DPY19L3: variants seen among roughly 807,000 people sequenced by gnomAD.
The protein encoded by DPY19L3 is dpy-19 like C-mannosyltransferase 3.
A neutral mutation model predicts 92.3 loss-of-function variants in DPY19L3; 51 were observed. The ratio of observed to expected loss-of-function variants is 0.55; its 90% CI spans 0.44 to 0.70. The LOEUF (loss-of-function observed/expected upper bound fraction) is 0.70, where lower values mean the gene tolerates loss of function less well. Ranked by LOEUF, DPY19L3 falls within the 30% of genes least tolerant of loss-of-function variation. The pLI, the probability that DPY19L3 is intolerant of heterozygous loss-of-function variation, is 0.00. For synonymous variants in DPY19L3, 309 were observed against 315.2 expected, an observed-to-expected ratio of 0.98 and a Z score of 0.21; for missense variants, 706 against 855.9, an observed-to-expected ratio of 0.82 and a Z score of 2.18.
chr19:32,426,345 T>C (rs1249465849), intron 3 of DPY19L3, among the ~76,000 whole-genome samples: 15 of 152,246 alleles, frequency 9.9e-5, no homozygotes. Flanking sequence ...TTTTCATTCT[T>C]ATCATTGGTG....
chr19:32,411,285 T>A lies in DPY19L3; in HGVS notation c.150T>A (p.Gly50=). 1.9e-6 allele frequency: 3 copies of A among 1,613,478 alleles called. No individual in the cohort carries two copies. Among genetic ancestry groups the A allele is most frequent in the Non-Finnish European group, 1.7e-6 (2 of 1,179,992 alleles). Residue 50 remains glycine, a synonymous_variant, in exon 3 of 19, where the codon GGT becomes GGA. Coordinates refer to ENST00000392250, the MANE Select transcript of DPY19L3 (RefSeq NM_001172774.2). ...RLWKILSLTI[G]GTIALCIGLL... ...GGAAGATTTTGTCATTGACAATTGG[T>A]GGAACCATTGCCCTTTGCATTGGAC...
rs79598580 is a variant in DPY19L3 at position 32,408,163 on chromosome 19, G to A, written c.-37-54G>A. 8.3e-3 allele frequency: 7,085 copies of A among 852,418 alleles called. 325 individuals carry two copies. The African/African-American group carries it at 0.1, about 12-fold the overall frequency. The allele number at this position is 852,418 out of a possible 1,614,324, so 52.8% of individuals were successfully genotyped here. On this transcript the variant is annotated intron_variant, in intron 1 of 18. Transcript: ENST00000392250. ...AAGGCATTTCAGCATGGATGAGCAC[G>A]GGGTGTGTTGGGGAGAAGGCACTGA...
At chr19:32,416,222 T>C (rs1599590172) in intron 3 of DPY19L3, among the ~76,000 whole-genome samples, 1 of 152,290 alleles carries the variant, frequency 6.6e-6, no homozygotes. Context: ...GATGTCTTGA[T>C]TCATTGTGTG....
At chr19:32,435,381 T>A (rs962665925) in intron 4 of DPY19L3, among the ~76,000 whole-genome samples, 2 of 152,238 alleles carry the variant, frequency 1.3e-5, no homozygotes, top group African/African-American at 2.4e-5. Context: ...CTGGGTTGTT[T>A]TGGATCAATC....
At chr19:32,448,560 G>C (rs1418296655) in intron 8 of DPY19L3, among the ~76,000 whole-genome samples, 1 of 152,138 alleles carries the variant, frequency 6.6e-6, no homozygotes, top group African/African-American at 2.4e-5. Flanking sequence ...TTATTATAAA[G>C]TAAGCTAGAG....
chr19:32,410,497 G>A (rs375367497), intron 2 of DPY19L3, among the ~76,000 whole-genome samples: 3 of 152,176 alleles, frequency 2.0e-5, no homozygotes, highest in East Asian at 1.9e-4. Context: ...TTAGGTAATC[G>A]GCCAGGTGCA....
chr19:32,453,087 G>A (rs777710442), intron 8 of DPY19L3, 58 bp from the exon 9 acceptor site: 32 of 1,596,486 alleles, frequency 2.0e-5, no homozygotes, highest in African/African-American at 5.4e-5. Context: ...CCAACATGTC[G>A]ACATGTGATG....
At chr19:32,464,685 G>T in intron 14 of DPY19L3, 43 bp from the exon 15 acceptor site, 1 of 1,268,370 alleles carries the variant, frequency 7.9e-7, no homozygotes, top group South Asian at 1.4e-5. Context: ...AAAAAGAAAA[G>T]GTTCAAAATA....
intron 3 of DPY19L3, among the ~76,000 whole-genome samples, chr19:32,422,183 T>G (rs145397775): frequency 0.017 from 2,605 of 152,248 alleles, 70 homozygotes; most frequent in African/African-American, 0.06. Flanking sequence ...GCAGACATCA[T>G]TGGTGAAGAA....
intron 13 of DPY19L3, 85 bp downstream of exon 13, chr19:32,463,573 T>C: frequency 6.9e-7 from 1 of 1,439,264 alleles, no homozygotes; most frequent in Non-Finnish European, 9.5e-7. Context: ...GTGACAATCA[T>C]CTTCATTAAT....
At chr19:32,456,930 G>T (rs1969884667) in intron 10 of DPY19L3, among the ~76,000 whole-genome samples, 1 of 152,220 alleles carries the variant, frequency 6.6e-6, no homozygotes, top group African/African-American at 2.4e-5. Context: ...GGAGGCTGAG[G>T]TGGGAGGATC....
At chr19:32,420,663 T>A (rs564833191) in intron 3 of DPY19L3, among the ~76,000 whole-genome samples, 1 of 152,198 alleles carries the variant, frequency 6.6e-6, no homozygotes, top group African/African-American at 2.4e-5. Flanking sequence ...TTGGTCAGGC[T>A]GTTCTCAAAC....
At chr19:32,430,727 C>A (rs529826615) in intron 3 of DPY19L3, among the ~76,000 whole-genome samples, 1 of 151,516 alleles carries the variant, frequency 6.6e-6, no homozygotes, top group Non-Finnish European at 1.5e-5. Context: ...GAGTCTCAAT[C>A]GATCCCCCTT....
chr19:32,434,500 T>C (rs1969073962), intron 4 of DPY19L3, among the ~76,000 whole-genome samples: 1 of 151,824 alleles, frequency 6.6e-6, no homozygotes, highest in Non-Finnish European at 1.5e-5. Context: ...CTACTAAAAA[T>C]ACAAAAAAAT....
At chr19:32,445,514 G>T (rs1969469670) in intron 8 of DPY19L3, among the ~76,000 whole-genome samples, 1 of 147,656 alleles carries the variant, frequency 6.8e-6, no homozygotes, top group East Asian at 2.0e-4. Flanking sequence ...GAATGAAAGG[G>T]AAATCAAAAC....
chr19:32,436,711 T>G, intron 5 of DPY19L3, 144 bp downstream of exon 5: 1 of 743,622 alleles, frequency 1.3e-6, no homozygotes. Context: ...CCATGTATAT[T>G]ATGAACTTTA....
intron 3 of DPY19L3, among the ~76,000 whole-genome samples, chr19:32,431,047 T>C (rs931673473): frequency 1.3e-5 from 2 of 152,328 alleles, no homozygotes; most frequent in South Asian, 4.1e-4. Flanking sequence ...ATTTATCACT[T>C]TCCCCCATTG....
At chr19:32,427,053 G>T (rs928554142) in intron 3 of DPY19L3, among the ~76,000 whole-genome samples, 2 of 152,180 alleles carry the variant, frequency 1.3e-5, no homozygotes, top group African/African-American at 4.8e-5. Flanking sequence ...GAGTGCAGAG[G>T]TGCGATCTCG....
intron 8 of DPY19L3, among the ~76,000 whole-genome samples, chr19:32,447,769 A>C (rs1568343848): frequency 1.4e-5 from 2 of 138,844 alleles, no homozygotes; most frequent in African/African-American, 5.6e-5. Context: ...AGATAGATAG[A>C]TAGATAGATT....
Sources: gnomAD v4.1 joint callset for allele counts (sites outside exome capture counted in the v4.1 genomes callset) on GRCh38, gnomAD v4.1.1 for gene constraint, MANE v1.5 for transcripts, NCBI Gene and HGNC (gene_info 2026-07-23, HGNC 2026-07-21) for gene names.